NDST3: variants seen among roughly 807,000 people sequenced by gnomAD.
The protein encoded by NDST3 is bifunctional heparan sulfate N-deacetylase/N-sulfotransferase 3.
In NDST3, 58 loss-of-function variants were observed where a neutral mutation model predicts 96.1. The observed-to-expected ratio is 0.60, with a 90% CI of 0.49 to 0.75. The LOEUF (loss-of-function observed/expected upper bound fraction) is 0.75, where lower values mean the gene tolerates loss of function less well. Among genes scored for constraint, NDST3 ranks in the 30% least tolerant of loss-of-function variants. The pLI is 0.00. For missense variants in NDST3, 788 were observed against 1,034.2 expected (o/e 0.76, Z 3.27); for synonymous variants, 333 against 359.7 (o/e 0.93, Z 0.84).
At position 118,181,308 on chromosome 4, in the gene NDST3, A is replaced by C. The variant is rs896122117; in HGVS notation, c.1539+37624A>C. On this transcript the variant is annotated intron_variant, in intron 6 of 13. Coordinates refer to ENST00000296499, the MANE Select transcript of NDST3 (RefSeq NM_004784.3). ...TAGAAGAGAAACGTATCAAGAATGC[A>C]AGGAAACTGGATGGAAGATAAACGA... 1.4e-4 allele frequency among the ~76,000 whole-genome samples: 21 copies of C among 152,232 alleles called. No individual in the cohort carries two copies. In the South Asian group the frequency reaches 1.9e-3, roughly 14 times the overall value.
intron 6 of NDST3, among the ~76,000 whole-genome samples, chr4:118,205,647 T>C (rs974826501): frequency 6.9e-6 from 1 of 144,250 alleles, no homozygotes; most frequent in Non-Finnish European, 1.5e-5. Context: ...GATAAGTCAA[T>C]GTAGTACAAT....
In NDST3 at chr4:118,075,806, G is replaced by A. The variant is rs1355179505; in HGVS notation, c.981+20915G>A. Among the ~76,000 whole-genome samples, 8 of 152,160 alleles carry A rather than the reference G, an allele frequency of 5.3e-5. No individual in the cohort carries two copies. In the East Asian group the frequency reaches 1.3e-3, roughly 26 times the overall value. On this transcript the variant is annotated intron_variant, in intron 2 of 13. Coordinates refer to ENST00000296499, the MANE Select transcript of NDST3 (RefSeq NM_004784.3). ...TGTAGATTCTGGATATTAGCCCTTT[G>A]TCAGATGGGTAGATTGCAAAAATTT... is the stretch of plus-strand genomic sequence containing the variant.
intron 6 of NDST3, among the ~76,000 whole-genome samples, chr4:118,146,159 A>C (rs1733928327): frequency 3.9e-5 from 6 of 152,352 alleles, no homozygotes; most frequent in Middle Eastern, 3.4e-3. Context: ...TTATTAGGCC[A>C]GGATGGAAAT....
chr4:118,169,311 A>G (rs1180411523), intron 6 of NDST3, among the ~76,000 whole-genome samples: 1 of 152,216 alleles, frequency 6.6e-6, no homozygotes, highest in Non-Finnish European at 1.5e-5. Context: ...TTCTAGCTTA[A>G]AAGAAACTAA....
At chr4:118,122,521 T>C (rs1443099876) in intron 4 of NDST3, among the ~76,000 whole-genome samples, 1 of 152,166 alleles carries the variant, frequency 6.6e-6, no homozygotes, top group Non-Finnish European at 1.5e-5. Context: ...TCCTGCTCCT[T>C]TTCAAAATTT....
At chr4:118,190,558 A>AG (rs1323404734) in intron 6 of NDST3, among the ~76,000 whole-genome samples, 1 of 152,152 alleles carries the variant, frequency 6.6e-6, no homozygotes, top group Non-Finnish European at 1.5e-5. Flanking sequence ...AGGACTATGA[A>AG]GGGTAGGGCC....
intron 1 of NDST3, among the ~76,000 whole-genome samples, chr4:118,044,398 G>A (rs972600023): frequency 5.9e-5 from 9 of 152,224 alleles, no homozygotes; most frequent in African/African-American, 2.2e-4. Flanking sequence ...CTATACCAGA[G>A]CATTTAAAAG....
intron 6 of NDST3, among the ~76,000 whole-genome samples, chr4:118,168,210 C>T (rs1251943272): frequency 6.6e-6 from 1 of 151,822 alleles, no homozygotes; most frequent in Non-Finnish European, 1.5e-5. Flanking sequence ...GGAACTGCTA[C>T]AACTCAATAG....
At chr4:118,135,047 C>A (rs534537900) in intron 4 of NDST3, among the ~76,000 whole-genome samples, 1 of 152,300 alleles carries the variant, frequency 6.6e-6, no homozygotes, top group Non-Finnish European at 1.5e-5. Flanking sequence ...GTCTGCCTTC[C>A]GGATCACACT....
chr4:118,227,639 T>C (rs960298484), intron 8 of NDST3, among the ~76,000 whole-genome samples: 31 of 138,502 alleles, frequency 2.2e-4, no homozygotes, highest in African/African-American at 8.1e-4. Flanking sequence ...TGAGACGGAG[T>C]CTCGCTCTGT....
At chr4:118,060,770 A>G (rs530492513) in intron 2 of NDST3, among the ~76,000 whole-genome samples, 21 of 152,166 alleles carry the variant, frequency 1.4e-4, no homozygotes, top group Admixed American at 1.2e-3. Flanking sequence ...CATGCACTAA[A>G]CAAGTGCCAA....
At chr4:118,191,792 T>C (rs891691019) in intron 6 of NDST3, among the ~76,000 whole-genome samples, 23 of 152,344 alleles carry the variant, frequency 1.5e-4, no homozygotes, top group African/African-American at 5.3e-4. Context: ...TACTATCAAA[T>C]ACTAGTTTGA....
At chr4:118,246,061 A>C (rs1196269169) in intron 12 of NDST3, among the ~76,000 whole-genome samples, 2 of 152,236 alleles carry the variant, frequency 1.3e-5, no homozygotes, top group Non-Finnish European at 2.9e-5. Flanking sequence ...CCTTAAAAAG[A>C]ACTAGAGCCT....
At chr4:118,178,689 G>A (rs1015208130) in intron 6 of NDST3, among the ~76,000 whole-genome samples, 4 of 151,974 alleles carry the variant, frequency 2.6e-5, no homozygotes, top group Non-Finnish European at 4.4e-5. Flanking sequence ...GTTGTTTTAG[G>A]TATATACCCA....
At chr4:118,138,025 C>T (rs754188740) in intron 4 of NDST3, 29 bp from the exon 5 acceptor site, 22 of 1,534,134 alleles carry the variant, frequency 1.4e-5, no homozygotes, top group Admixed American at 1.3e-4. Context: ...AATCTTTACA[C>T]GCTCCAATTA....
chr4:118,098,472 G>A (rs1246923490), intron 2 of NDST3, among the ~76,000 whole-genome samples: 1 of 151,922 alleles, frequency 6.6e-6, no homozygotes, highest in East Asian at 1.9e-4. Context: ...AATACTTCGT[G>A]ATGGTAGCAC....
intron 2 of NDST3, among the ~76,000 whole-genome samples, chr4:118,084,703 T>C (rs762355319): frequency 2.0e-5 from 3 of 152,236 alleles, no homozygotes; most frequent in Non-Finnish European, 2.9e-5. Context: ...CTTTTAGAGA[T>C]AGACTCTTAC....
intron 6 of NDST3, among the ~76,000 whole-genome samples, chr4:118,176,733 C>CA (rs1291869165): frequency 1.3e-5 from 2 of 151,892 alleles, no homozygotes; most frequent in Non-Finnish European, 2.9e-5. Context: ...ATTGATAGAA[C>CA]AAAAAAGCTT....
In NDST3 at chr4:118,216,148, T is replaced by C. The variant is rs536984754; in HGVS notation, c.1540-8343T>C. Among the ~76,000 whole-genome samples, 12 of 152,180 alleles carry C rather than the reference T, an allele frequency of 7.9e-5. No individual in the cohort carries two copies. The South Asian group carries it at 8.3e-4, about 11-fold the overall frequency. On this transcript the variant is annotated intron_variant, in intron 6 of 13. Transcript: ENST00000296499. ...CCCAAAGTCTCATATTTGCAGAGCA[T>C]TGAAAGCAGAAAGATGATTTGGGAA...
Sources: allele counts gnomAD v4.1 joint callset (sites outside exome capture counted in the v4.1 genomes callset), GRCh38; gene constraint gnomAD v4.1.1; transcripts MANE v1.5; gene names NCBI Gene and HGNC (gene_info 2026-07-23, HGNC 2026-07-21).